Variants in NGEF observed in about 807,000 individuals in gnomAD.
NGEF encodes the protein neuronal guanine nucleotide exchange factor, also known as ephexin-1.
NGEF carries 31 observed loss-of-function variants against 80.9 expected under a neutral mutation model. The observed-to-expected ratio is 0.38, with a 90% CI of 0.29 to 0.52. NGEF has a LOEUF of 0.52. Among genes scored for constraint, NGEF ranks in the 20% least tolerant of loss-of-function variants. The pLI is 0.84. For synonymous variants in NGEF, 371 were observed against 370.2 expected (o/e 1.00, Z -0.03); for missense variants, 709 against 926.2 (o/e 0.77, Z 3.04).
Position 232,974,803 on chromosome 2 carries a change from C to T in NGEF, c.88G>A (p.Val30Met), listed in dbSNP as rs765593424. The T allele has an allele frequency of 1.2e-5, 20 of 1,614,222 alleles. No homozygotes were observed. Among genetic ancestry groups the T allele is most frequent in the Non-Finnish European group, 1.6e-5 (19 of 1,180,040 alleles). Reference sequence around the variant, plus strand: ...TTTTCTGGGAGTAACTCAGGTTTCACCTTGGCTGGTTCATTATCAGTGTTC... The same window carrying T: ...TTTTCTGGGAGTAACTCAGGTTTCATCTTGGCTGGTTCATTATCAGTGTTC... The part of the protein sequence containing the change: ...QWNTDNEPAK[V>M]KPELLPEKEE... Residue 30 changes from valine to methionine, a missense_variant, in exon 2 of 15, where the codon GTG becomes ATG. This residue lies in a region of NGEF where 283 missense variants were observed against 303.4 expected (regional missense o/e 0.93). Coordinates refer to ENST00000264051, the MANE Select transcript of NGEF (RefSeq NM_019850.3).
At chr2:232,982,105 G>C (rs1293275818) in intron 1 of NGEF, among the ~76,000 whole-genome samples, 1 of 152,218 alleles carries the variant, frequency 6.6e-6, no homozygotes, top group East Asian at 1.9e-4. Flanking sequence ...TTGGAGCTGG[G>C]ACCTTGGATT....
At chr2:233,001,091 C>T (rs911748925) in intron 1 of NGEF, among the ~76,000 whole-genome samples, 4 of 152,190 alleles carry the variant, frequency 2.6e-5, no homozygotes, top group Non-Finnish European at 5.9e-5. Flanking sequence ...TTCCCCCCAT[C>T]CCACTGGCCA....
rs1263288586 is a variant in NGEF, at chr2:232,906,703, G to A, written c.829-11787C>T. 4.3e-5 allele frequency among the ~76,000 whole-genome samples: 6 copies of A among 140,352 alleles called. 1 individual carries two copies. The highest frequency in any genetic ancestry group is 4.4e-4 in the East Asian group (2 of 4,500). 92.1% of individuals were successfully genotyped at this position (140,352 alleles called of 152,430 possible). On this transcript the variant is annotated intron_variant, in intron 5 of 14. Coordinates refer to ENST00000264051, the MANE Select transcript of NGEF (RefSeq NM_019850.3). ...GTGTACCCAACAGCTCATTGAGAAC[G>A]GGCCATGATGACAATGGCGGTTTTG... is the stretch of plus-strand genomic sequence containing the variant.
chr2:232,905,327 C>T (rs1380695903), intron 5 of NGEF, among the ~76,000 whole-genome samples: 7 of 152,260 alleles, frequency 4.6e-5, no homozygotes, highest in African/African-American at 1.4e-4. Flanking sequence ...TGGTCTCCAG[C>T]TCCTAACCGC....
At position 232,892,928 on chromosome 2, in the gene NGEF, G is replaced by A. The variant is rs757633862; in HGVS notation, c.1112C>T (p.Thr371Ile). ...CTGCTTATAGGTCCGCTCCTGGTAG[G>A]TCTGATTGCTGACGTAGGTGATGTA... is the stretch of plus-strand genomic sequence containing the variant. ...SVYITYVSNQ[T>I]YQERTYKQLL... The change falls in exon 7 of 15, where the codon ACC becomes ATC. Residue 371 changes from threonine to isoleucine, a missense_variant. Thr to Ile is a moderately conservative substitution (Grantham distance 89, BLOSUM62 -1). Around this residue, in one of 2 missense-constraint regions of NGEF, gnomAD observed 426 missense variants for 622.9 expected, o/e 0.68. Coordinates refer to ENST00000264051, the MANE Select transcript of NGEF (RefSeq NM_019850.3). The surrounding 1 kb of genome is among the most constrained non-coding windows in gnomAD (Gnocchi z 4.0). 81 of 1,613,480 alleles carry A rather than the reference G, an allele frequency of 5.0e-5. No individual in the cohort carries two copies. The highest frequency in any genetic ancestry group is 6.4e-5 in the Non-Finnish European group (75 of 1,179,948).
At position 232,883,434 on chromosome 2, in the gene NGEF, C is replaced by A. The variant is rs1435678412; in HGVS notation, c.1634G>T (p.Arg545Leu). 1 of 1,607,550 alleles carries A rather than the reference C, an allele frequency of 6.2e-7. No individual in the cohort carries two copies. Among genetic ancestry groups the A allele is most frequent in the African/African-American group, 1.3e-5 (1 of 74,770 alleles). ...CAGCTCCTCCACACGCAGCAGTCCCCGCGGAGCTGAGTCAAATACCTGGTA... is the reference window on the plus strand; with the variant it reads ...CAGCTCCTCCACACGCAGCAGTCCCAGCGGAGCTGAGTCAAATACCTGGTA... ...DKYQVFDSAP[R>L]GLLRVEELED... Residue 545 changes from arginine to leucine, a missense_variant, in exon 12 of 15, where the codon CGG becomes CTG. Physicochemically the swap from Arg to Leu is moderately radical, Grantham distance 102 (BLOSUM62 -2). Around this residue, in one of 2 missense-constraint regions of NGEF, gnomAD observed 426 missense variants for 622.9 expected, o/e 0.68. Transcript: ENST00000264051.
intron 1 of NGEF, among the ~76,000 whole-genome samples, chr2:233,009,119 G>A (rs1695150516): frequency 6.6e-6 from 1 of 152,088 alleles, no homozygotes; most frequent in African/African-American, 2.4e-5. Context: ...TTTTAAGTGT[G>A]CAGTTCAGTG....
chr2:232,885,241 G>C, intron 10 of NGEF, 39 bp downstream of exon 10: 1 of 1,593,116 alleles, frequency 6.3e-7, no homozygotes, highest in Non-Finnish European at 8.6e-7. Flanking sequence ...CCAGGGGCCT[G>C]TGCATGGGCA....
intron 10 of NGEF, among the ~76,000 whole-genome samples, chr2:232,884,673 G>A (rs1691618571): frequency 6.6e-6 from 1 of 152,190 alleles, no homozygotes; most frequent in Non-Finnish European, 1.5e-5. Flanking sequence ...GGCAGACGAT[G>A]CAACTCAGGG....
intron 3 of NGEF, among the ~76,000 whole-genome samples, chr2:232,952,953 A>G (rs1432143877): frequency 1.1e-5 from 1 of 92,956 alleles, no homozygotes; most frequent in Admixed American, 1.1e-4. Flanking sequence ...GAGTGCAGAC[A>G]AGAGTGAGAC....
At position 232,993,853 on chromosome 2, in the gene NGEF, G is replaced by A. The variant is rs75077598; in HGVS notation, c.-74-18889C>T. 2.3e-3 allele frequency among the ~76,000 whole-genome samples: 351 copies of A among 152,266 alleles called. 4 individuals are homozygous for A. The highest frequency in any genetic ancestry group is 0.021 in the East Asian group (110 of 5,186). ...TTGTATGATTGCATTTATATGAAACGTCCAGAACCGGAGACTCCACAGAGA... is the reference window on the plus strand; with the variant it reads ...TTGTATGATTGCATTTATATGAAACATCCAGAACCGGAGACTCCACAGAGA... On this transcript the variant is annotated intron_variant, in intron 1 of 14. Coordinates refer to ENST00000264051, the MANE Select transcript of NGEF (RefSeq NM_019850.3).
chr2:232,956,745 T>C (rs889268822), intron 3 of NGEF, among the ~76,000 whole-genome samples: 1 of 127,388 alleles, frequency 7.9e-6, no homozygotes, highest in African/African-American at 3.1e-5. Flanking sequence ...ATTGTGCCAC[T>C]GCACTCCAGT....
chr2:232,905,861 C>G (rs1692500062), intron 5 of NGEF: 1 of 236,540 alleles, frequency 4.2e-6, no homozygotes, highest in Non-Finnish European at 8.8e-6. Context: ...AGGAGCGTCT[C>G]CGTCCGGCAG....
chr2:232,957,317 A>C (rs1218895367), intron 3 of NGEF, among the ~76,000 whole-genome samples: 2 of 152,060 alleles, frequency 1.3e-5, no homozygotes, highest in Admixed American at 1.3e-4. Context: ...TATTATTACT[A>C]CTACTAATAA....
At chr2:232,906,759 A>G (rs1429434098) in intron 5 of NGEF, among the ~76,000 whole-genome samples, 2 of 151,454 alleles carry the variant, frequency 1.3e-5, no homozygotes, top group South Asian at 2.1e-4. Context: ...GGTGGGGAAA[A>G]GATTGAGAAA....
At chr2:232,944,015 C>G (rs1693498083) in intron 3 of NGEF, among the ~76,000 whole-genome samples, 1 of 151,600 alleles carries the variant, frequency 6.6e-6, no homozygotes, top group Admixed American at 6.6e-5. Context: ...GGCGGATCAC[C>G]TGAGGTCAGG....
chr2:232,976,977 G>A (rs936559034), intron 1 of NGEF, among the ~76,000 whole-genome samples: 2 of 152,176 alleles, frequency 1.3e-5, no homozygotes, highest in African/African-American at 4.8e-5. Context: ...GACACACTTA[G>A]GATGGACCAT....
intron 3 of NGEF, among the ~76,000 whole-genome samples, chr2:232,938,741 G>GAAA (rs60179308): frequency 1.1e-4 from 13 of 121,164 alleles, no homozygotes; most frequent in African/African-American, 2.5e-4. Flanking sequence ...CCTGTCTTAA[G>GAAA]AAAAAAAAAA....
At chr2:233,009,198 T>C (rs1695151786) in intron 1 of NGEF, among the ~76,000 whole-genome samples, 1 of 152,186 alleles carries the variant, frequency 6.6e-6, no homozygotes, top group Non-Finnish European at 1.5e-5. Context: ...TGGCCTCCAG[T>C]AACCAGCAGT....
Sources: allele counts gnomAD v4.1 joint callset (sites outside exome capture counted in the v4.1 genomes callset), GRCh38; gene constraint gnomAD v4.1.1; regional missense constraint gnomAD v4.1.1; non-coding constraint Gnocchi (gnomAD v3.1); transcripts MANE v1.5; gene names NCBI Gene and HGNC (gene_info 2026-07-23, HGNC 2026-07-21).